EYS: variants seen among roughly 807,000 people sequenced by gnomAD.
The protein encoded by EYS is EGF-like photoreceptor maintenance factor.
EYS carries 250 observed loss-of-function variants against 282.1 expected under a neutral mutation model. That is an observed-to-expected ratio of 0.89 (90% CI 0.80 to 0.98). The LOEUF is 0.98. Among genes scored for constraint, EYS ranks in the 50% least tolerant of loss-of-function variants. The probability of loss-of-function intolerance (pLI) is 0.00; values close to 1 mark genes in which losing one functional copy is unlikely to be tolerated. For missense variants in EYS, 4,016 were observed against 3,709.0 expected (o/e 1.08, Z -2.15); for synonymous variants, 1,355 against 1,282.9 (o/e 1.06, Z -1.20).
chr6:64,120,122 C>T (rs1229935744), intron 31 of EYS, among the ~76,000 whole-genome samples: 3 of 150,916 alleles, frequency 2.0e-5, no homozygotes, highest in African/African-American at 7.3e-5. Flanking sequence ...CCAAGGTGGG[C>T]AGATCACGAG....
At chr6:65,390,264 T>A (rs987106690) in intron 7 of EYS, among the ~76,000 whole-genome samples, 3 of 148,858 alleles carry the variant, frequency 2.0e-5, no homozygotes, top group Non-Finnish European at 4.5e-5. Flanking sequence ...ATGACCACAG[T>A]GGTGATAAAG....
rs758414726 is a variant in EYS at position 64,813,501 on chromosome 6, C to T, written c.3320G>A (p.Arg1107His). 1.7e-5 allele frequency: 27 copies of T among 1,550,390 alleles called. No homozygotes were observed. Among genetic ancestry groups the T allele is most frequent in the South Asian group, 2.4e-5 (2 of 84,028 alleles). ...SAHGFTCICP[R>H]GYTGAYCEKS... is the part of the protein sequence containing the mutation. ...TTCACAGTATGCACCAGTGTATCCA[C>T]GTGGGCAAATGCAAGTAAATCCATG... The change falls in exon 22 of 43, where the codon CGT becomes CAT. Residue 1107 changes from arginine to histidine, a missense_variant. Transcript: ENST00000503581.
At chr6:64,958,418 CATCTGA>C (rs1176979105) in intron 14 of EYS, among the ~76,000 whole-genome samples, 2 of 151,370 alleles carry the variant, frequency 1.3e-5, no homozygotes, top group East Asian at 3.9e-4. Context: ...AATTTAATGT[CATCTGA>C]ATCTAAACCT....
At chr6:64,593,938 A>C (rs1429337729) in intron 24 of EYS, among the ~76,000 whole-genome samples, 1 of 152,210 alleles carries the variant, frequency 6.6e-6, no homozygotes, top group Non-Finnish European at 1.5e-5. Flanking sequence ...ATAAATGTAG[A>C]GTTAAAAACA....
intron 34 of EYS, among the ~76,000 whole-genome samples, chr6:63,987,991 C>A (rs1055778442): frequency 6.6e-6 from 1 of 151,524 alleles, no homozygotes; most frequent in Non-Finnish European, 1.5e-5. Context: ...AGTCTCTGCT[C>A]CTAAGGGTGT....
intron 28 of EYS, among the ~76,000 whole-genome samples, chr6:64,423,756 C>T (rs974069438): frequency 3.3e-5 from 5 of 152,070 alleles, no homozygotes; most frequent in Admixed American, 6.5e-5. Flanking sequence ...TGCAGTGAGC[C>T]GAGATCATGC....
At chr6:64,719,900 C>T (rs1175184637) in intron 22 of EYS, among the ~76,000 whole-genome samples, 3 of 151,960 alleles carry the variant, frequency 2.0e-5, no homozygotes, top group Middle Eastern at 3.2e-3. Flanking sequence ...GACTCCATCT[C>T]GAAAATAAAT....
At chr6:64,496,948 G>A (rs1017251381) in intron 26 of EYS, among the ~76,000 whole-genome samples, 1 of 151,912 alleles carries the variant, frequency 6.6e-6, no homozygotes, top group African/African-American at 2.4e-5. Flanking sequence ...TTATGCCATA[G>A]TATAAAAATA....
intron 31 of EYS, among the ~76,000 whole-genome samples, chr6:64,152,652 C>T (rs1311106946): frequency 2.0e-5 from 3 of 152,166 alleles, no homozygotes; most frequent in South Asian, 4.2e-4. Context: ...TCAGTTATAG[C>T]CATATTCTAA....
intron 22 of EYS, among the ~76,000 whole-genome samples, chr6:64,785,644 C>T (rs571967649): frequency 5.3e-5 from 8 of 152,202 alleles, no homozygotes; most frequent in South Asian, 2.1e-4. Context: ...TTTACAGTCT[C>T]GACAATAAAC....
At chr6:64,857,651 T>C (rs966043705) in intron 19 of EYS, among the ~76,000 whole-genome samples, 1 of 152,190 alleles carries the variant, frequency 6.6e-6, no homozygotes, top group Non-Finnish European at 1.5e-5. Context: ...TCATATGGCA[T>C]TTCTATTTTT....
At chr6:64,681,565 G>A (rs555526528) in intron 22 of EYS, among the ~76,000 whole-genome samples, 6 of 152,296 alleles carry the variant, frequency 3.9e-5, no homozygotes, top group African/African-American at 1.4e-4. Context: ...AGGAATGTCA[G>A]GTGATGGTTC....
At position 65,514,291 on chromosome 6, in the gene EYS, G is replaced by T. The variant is rs552695139; in HGVS notation, c.-332-18298C>A. Among the ~76,000 whole-genome samples, 35 of 152,182 alleles carry T rather than the reference G, an allele frequency of 2.3e-4. No homozygotes were observed. The South Asian group carries it at 7.3e-3, about 32-fold the overall frequency. ...ACCACTGCTCAATGAAATAAAAGAG[G>T]ATACAAACAAATGGAAGAACATTCC... On this transcript the variant is annotated intron_variant, in intron 2 of 42. Transcript: ENST00000503581.
chr6:64,292,015 G>A (rs1383965239), intron 30 of EYS, among the ~76,000 whole-genome samples: 2 of 152,004 alleles, frequency 1.3e-5, no homozygotes, highest in Admixed American at 1.3e-4. Context: ...CAATATTATT[G>A]TCTCCACTTT....
At chr6:65,706,303 T>A (rs1769875969) in intron 1 of EYS, among the ~76,000 whole-genome samples, 1 of 151,948 alleles carries the variant, frequency 6.6e-6, no homozygotes, top group Non-Finnish European at 1.5e-5. Flanking sequence ...CTTATTTTAA[T>A]ATTGTATACT....
At chr6:64,990,893 TATTTTGCATGTA>T (rs1562290444) in intron 14 of EYS, among the ~76,000 whole-genome samples, 1 of 151,558 alleles carries the variant, frequency 6.6e-6, no homozygotes, top group African/African-American at 2.4e-5. Context: ...TGTTTGCTTT[TATTTTGCATGTA>T]ATCCTGATAA....
chr6:65,645,909 A>G lies in EYS; in HGVS notation c.-447-6017T>C, dbSNP rs554754155. ...GTCTACTACGAACACCTTTATGCACATAAACTAGAAAACCTAGAGGAGATG... is the reference window on the plus strand; with the variant it reads ...GTCTACTACGAACACCTTTATGCACGTAAACTAGAAAACCTAGAGGAGATG... On this transcript the variant is annotated intron_variant, in intron 1 of 42. Coordinates refer to ENST00000503581, the MANE Select transcript of EYS (RefSeq NM_001142800.2). Among the ~76,000 whole-genome samples the G allele has an allele frequency of 1.2e-3, 183 of 152,248 alleles. 1 individual carries two copies. Among genetic ancestry groups the G allele is most frequent in the Middle Eastern group, 3.4e-3 (1 of 294 alleles).
chr6:65,031,435 T>C (rs896430963), intron 13 of EYS, among the ~76,000 whole-genome samples: 4 of 152,066 alleles, frequency 2.6e-5, no homozygotes, highest in African/African-American at 9.7e-5. Context: ...TATATTCTTC[T>C]CATTGGCATA....
chr6:63,727,306 G>A (rs563019139), intron 41 of EYS, among the ~76,000 whole-genome samples: 74 of 152,082 alleles, frequency 4.9e-4, no homozygotes, highest in African/African-American at 1.7e-3. Context: ...AGTGCGCCCT[G>A]GTTCAGGACA....
Sources: gnomAD v4.1 joint callset for allele counts (sites outside exome capture counted in the v4.1 genomes callset) on GRCh38, gnomAD v4.1.1 for gene constraint, MANE v1.5 for transcripts, NCBI Gene and HGNC (gene_info 2026-07-23, HGNC 2026-07-21) for gene names.